VPS13B: variants seen among roughly 807,000 people sequenced by gnomAD.
The protein encoded by VPS13B is vacuolar protein sorting 13 homolog B.
VPS13B carries 285 observed loss-of-function variants against 426.4 expected under a neutral mutation model. The ratio of observed to expected loss-of-function variants is 0.67; its 90% CI spans 0.61 to 0.74. VPS13B has a LOEUF of 0.74. Ranked by LOEUF, VPS13B falls within the 30% of genes least tolerant of loss-of-function variation. The pLI is 0.00. For synonymous variants in VPS13B, 1,676 were observed against 1,676.4 expected (o/e 1.00, Z 0.01); for missense variants, 4,537 against 4,782.6 (o/e 0.95, Z 1.51).
At chr8:99,083,162 T>C (rs976827480) in intron 3 of VPS13B, among the ~76,000 whole-genome samples, 2 of 152,228 alleles carry the variant, frequency 1.3e-5, no homozygotes, top group African/African-American at 4.8e-5. Flanking sequence ...TAGTTCTCCT[T>C]GAAGAGCTCC....
intron 33 of VPS13B, among the ~76,000 whole-genome samples, chr8:99,622,601 T>C (rs979667683): frequency 6.6e-6 from 1 of 152,232 alleles, no homozygotes; most frequent in Non-Finnish European, 1.5e-5. Context: ...CAGATAATTT[T>C]ATAATGAGGA....
chr8:99,468,145 C>G (rs755179573), intron 24 of VPS13B, among the ~76,000 whole-genome samples: 2 of 152,058 alleles, frequency 1.3e-5, no homozygotes, highest in Non-Finnish European at 2.9e-5. Flanking sequence ...TGCTATCCCC[C>G]GACCCCCCAG....
chr8:99,431,855 T>C (rs919500006), intron 22 of VPS13B, among the ~76,000 whole-genome samples, 191 bp downstream of exon 22: 1 of 152,126 alleles, frequency 6.6e-6, no homozygotes, highest in African/African-American at 2.4e-5. Flanking sequence ...CATATGAACT[T>C]CCTTATAGTT....
intron 54 of VPS13B, among the ~76,000 whole-genome samples, chr8:99,843,608 A>C (rs1188453269): frequency 6.6e-6 from 1 of 152,202 alleles, no homozygotes; most frequent in Non-Finnish European, 1.5e-5. Flanking sequence ...GAAGAATGAG[A>C]GACATACGGC....
intron 19 of VPS13B, among the ~76,000 whole-genome samples, chr8:99,298,932 A>G (rs990878458): frequency 1.3e-5 from 2 of 152,218 alleles, no homozygotes; most frequent in Non-Finnish European, 2.9e-5. Context: ...CTCAGAAAGC[A>G]GCACCTCTGC....
At chr8:99,822,794 CAG>C (rs1297997762) in intron 50 of VPS13B, among the ~76,000 whole-genome samples, 3 of 152,094 alleles carry the variant, frequency 2.0e-5, no homozygotes, top group African/African-American at 4.8e-5. Flanking sequence ...GAAATTAAAA[CAG>C]AAACTTTTAA....
intron 30 of VPS13B, among the ~76,000 whole-genome samples, chr8:99,548,703 A>T (rs538298231): frequency 1.1e-4 from 16 of 152,142 alleles, no homozygotes; most frequent in African/African-American, 3.6e-4. Context: ...ACATTAAAAA[A>T]TAGAGATTAG....
chr8:99,186,861 T>C (rs1252532256), intron 16 of VPS13B, among the ~76,000 whole-genome samples: 1 of 152,180 alleles, frequency 6.6e-6, no homozygotes, highest in Non-Finnish European at 1.5e-5. Flanking sequence ...ATGTACAATA[T>C]ATTAATCTTT....
intron 19 of VPS13B, among the ~76,000 whole-genome samples, chr8:99,306,683 C>T (rs1209765674): frequency 6.6e-6 from 1 of 152,040 alleles, no homozygotes; most frequent in African/African-American, 2.4e-5. Flanking sequence ...AGGGCTTACA[C>T]CTACACAGTA....
At chr8:99,811,374 G>A (rs1255199786) in intron 44 of VPS13B, among the ~76,000 whole-genome samples, 1 of 152,120 alleles carries the variant, frequency 6.6e-6, no homozygotes, top group East Asian at 1.9e-4. Context: ...GGAAGCTATT[G>A]TGTTTCCCCT....
chr8:99,606,651 C>T (rs1362036960), intron 33 of VPS13B, among the ~76,000 whole-genome samples: 5 of 116,770 alleles, frequency 4.3e-5, no homozygotes, highest in African/African-American at 6.5e-5. Context: ...TTTTTTGAGA[C>T]GGAGTTTCAC....
chr8:99,793,230 T>A (rs967870733), intron 43 of VPS13B, among the ~76,000 whole-genome samples: 37 of 136,688 alleles, frequency 2.7e-4, no homozygotes, highest in African/African-American at 1.0e-3. Context: ...ATATATATAT[T>A]TGGAGACAGG....
At chr8:99,088,945 T>G (rs924105122) in intron 3 of VPS13B, among the ~76,000 whole-genome samples, 1 of 152,218 alleles carries the variant, frequency 6.6e-6, no homozygotes, top group Non-Finnish European at 1.5e-5. Flanking sequence ...TCTCTTGTTC[T>G]TTGTGATGTT....
intron 47 of VPS13B, 124 bp downstream of exon 47, chr8:99,819,012 T>C: frequency 2.1e-6 from 2 of 950,766 alleles, no homozygotes; most frequent in Admixed American, 4.3e-5. Flanking sequence ...GGGAGTTTTT[T>C]GTATGATTTC....
intron 2 of VPS13B, among the ~76,000 whole-genome samples, chr8:99,029,510 G>A (rs1228369537): frequency 6.6e-6 from 1 of 152,124 alleles, no homozygotes; most frequent in Non-Finnish European, 1.5e-5. Context: ...ACGAGACTCC[G>A]TCTGCAATCC....
chr8:99,325,634 C>A (rs1810212702), intron 19 of VPS13B, among the ~76,000 whole-genome samples: 1 of 152,182 alleles, frequency 6.6e-6, no homozygotes. Context: ...TTAAATCTGG[C>A]ATCTCAGGGG....
chr8:99,225,781 A>G (rs372345246), intron 17 of VPS13B, among the ~76,000 whole-genome samples: 24 of 152,010 alleles, frequency 1.6e-4, no homozygotes, highest in African/African-American at 5.6e-4. Context: ...ATTCTCTCCA[A>G]TGCTGTCTCA....
Position 99,353,506 on chromosome 8 carries a change from A to G in VPS13B, c.2825-30702A>G, listed in dbSNP as rs549311369. Among the ~76,000 whole-genome samples the G allele has an allele frequency of 5.9e-5, 9 of 152,288 alleles. No individual in the cohort carries two copies. In the East Asian group the frequency reaches 1.7e-3, roughly 29 times the overall value. ...AGGGATTATTAATTTCAGGACAAAT[A>G]AAAATCGGTTCATCAATTTTGAAGG... On this transcript the variant is annotated intron_variant, in intron 19 of 61. Transcript: ENST00000357162.
chr8:99,865,401 A>T (rs1588801996), intron 58 of VPS13B, among the ~76,000 whole-genome samples: 1 of 152,198 alleles, frequency 6.6e-6, no homozygotes, highest in East Asian at 1.9e-4. Context: ...CTGGTTTGTG[A>T]TGCGCTGCTG....
Sources: allele counts gnomAD v4.1 joint callset (sites outside exome capture counted in the v4.1 genomes callset), GRCh38; gene constraint gnomAD v4.1.1; transcripts MANE v1.5; gene names NCBI Gene and HGNC (gene_info 2026-07-23, HGNC 2026-07-21).